Variants in ASMTL observed in about 807,000 individuals in gnomAD.
The protein encoded by ASMTL is acetylserotonin O-methyltransferase like, also known as probable bifunctional dTTP/UTP pyrophosphatase/methyltransferase protein.
ASMTL carries 57 observed loss-of-function variants against 60.3 expected under a neutral mutation model. That is an observed-to-expected ratio of 0.95 (90% confidence interval 0.76 to 1.18). ASMTL has a LOEUF of 1.18. Among genes scored for constraint, ASMTL ranks in the 50% most tolerant of loss-of-function variants. The pLI, the probability that ASMTL is intolerant of heterozygous loss-of-function variation, is 0.00. For synonymous variants in ASMTL, 419 were observed against 373.0 expected (o/e 1.12, Z -1.42); for missense variants, 981 against 852.6 (o/e 1.15, Z -1.88).
intron 12 of ASMTL, 148 bp from the exon 13 acceptor site, chrX:1,403,637 G>A: frequency 1.5e-6 from 1 of 664,146 alleles, no homozygotes; most frequent in South Asian, 1.7e-5. Flanking sequence ...ACAGGTAGGG[G>A]AGGGGAGAGA....
At position 1,427,716 on chromosome X, in the gene ASMTL, G is replaced by A. The variant is rs769243026; in HGVS notation, c.897+18C>T. On this transcript the variant is annotated intron_variant, in intron 7 of 12. Coordinates refer to ENST00000381317, the MANE Select transcript of ASMTL (RefSeq NM_004192.4). The stretch of plus-strand genomic sequence containing the variant: ...GGCTCATTTGTGAAATGTGGCCTGA[G>A]GAGACAGACACAGGTACCTTGGATA... 1.9e-6 allele frequency: 3 copies of A among 1,588,656 alleles called. No individual in the cohort carries two copies. In the Admixed American group the frequency reaches 5.1e-5, roughly 27 times the overall value.
At chrX:1,439,222 T>G in intron 2 of ASMTL, 78 bp from the exon 3 acceptor site, 2 of 1,499,830 alleles carry the variant, frequency 1.3e-6, no homozygotes, top group South Asian at 1.1e-5. Context: ...GGTACGGGCG[T>G]GAAAGAGCAC....
intron 5 of ASMTL, among the ~76,000 whole-genome samples, chrX:1,433,787 C>T (rs1191825829): frequency 4.6e-5 from 7 of 152,136 alleles, no homozygotes; most frequent in Admixed American, 2.0e-4. Flanking sequence ...ATGGAGGCTC[C>T]ATACATCCTG....
chrX:1,435,131 G>A lies in ASMTL; in HGVS notation c.339-48C>T, dbSNP rs45447192. On this transcript the variant is annotated intron_variant, in intron 4 of 12. Transcript: ENST00000381317. Reference sequence around the variant, plus strand: ...CACGTGACCATGCTGTGACCCGTGGGAGCTACAAAGCGAGTTTCTCAAAAC... The same window carrying A: ...CACGTGACCATGCTGTGACCCGTGGAAGCTACAAAGCGAGTTTCTCAAAAC... The A allele has an allele frequency of 6.5e-3, 10,442 of 1,597,990 alleles. 42 individuals are homozygous for A. The highest frequency in any genetic ancestry group is 8.1e-3 in the Non-Finnish European group (9,456 of 1,165,224).
At chrX:1,410,729 A>G (rs1175974024) in intron 12 of ASMTL, among the ~76,000 whole-genome samples, 2 of 116,068 alleles carry the variant, frequency 1.7e-5, no homozygotes, top group African/African-American at 6.4e-5. Context: ...AAACTTCTTA[A>G]AAAATTAGCT....
chrX:1,405,154 CATGGATGAG>C (rs2089762971), intron 12 of ASMTL, among the ~76,000 whole-genome samples: 1 of 118,554 alleles, frequency 8.4e-6, no homozygotes, highest in Admixed American at 9.1e-5. Flanking sequence ...TAGATGGGTG[CATGGATGAG>C]ATGGATGGTT....
chrX:1,408,039 A>C (rs1462413608), intron 12 of ASMTL, among the ~76,000 whole-genome samples: 3 of 149,468 alleles, frequency 2.0e-5, no homozygotes, highest in African/African-American at 7.5e-5. Context: ...ATCTCTACAA[A>C]ATTTAAAAAA....
intron 12 of ASMTL, among the ~76,000 whole-genome samples, chrX:1,406,211 G>A (rs1305017884): frequency 6.7e-6 from 1 of 148,664 alleles, no homozygotes; most frequent in East Asian, 2.0e-4. Context: ...GGATGAGATG[G>A]ATGGATGGGT....
intron 12 of ASMTL, among the ~76,000 whole-genome samples, chrX:1,410,809 G>C (rs1254512596): frequency 6.6e-6 from 1 of 151,978 alleles, no homozygotes; most frequent in East Asian, 1.9e-4. Flanking sequence ...AGGACAGCTT[G>C]AGCCTAGGAG....
chrX:1,450,840 A>C, intron 1 of ASMTL, among the ~76,000 whole-genome samples: 6 of 95,700 alleles, frequency 6.3e-5, no homozygotes, highest in Non-Finnish European at 8.3e-5. Context: ...GTACTGGATC[A>C]CTCTCCCCTC....
At chrX:1,418,941 T>C (rs1306116395) in intron 10 of ASMTL, 41 bp downstream of exon 10, 1 of 1,610,896 alleles carries the variant, frequency 6.2e-7, no homozygotes, top group East Asian at 2.2e-5. Flanking sequence ...TGTGGCTTAA[T>C]AAACGAAAGT....
At chrX:1,430,855 T>A (rs1257850643) in intron 6 of ASMTL, among the ~76,000 whole-genome samples, 5 of 144,900 alleles carry the variant, frequency 3.5e-5, no homozygotes, top group African/African-American at 1.3e-4. Context: ...TATATTTATA[T>A]ATTTATATAC....
chrX:1,416,067 A>T (rs1172861642), intron 11 of ASMTL, among the ~76,000 whole-genome samples: 40 of 151,780 alleles, frequency 2.6e-4, no homozygotes, highest in Non-Finnish European at 5.9e-4. Flanking sequence ...AGAGACAGAC[A>T]TGCACAGATG....
At chrX:1,417,304 C>G (rs867832165) in intron 11 of ASMTL, among the ~76,000 whole-genome samples, 3 of 151,200 alleles carry the variant, frequency 2.0e-5, no homozygotes, top group Non-Finnish European at 4.4e-5. Context: ...GACGGGCACA[C>G]AGACGCACAT....
At chrX:1,447,345 CTTGGACACACAACAT>C (rs1323263402) in intron 1 of ASMTL, among the ~76,000 whole-genome samples, 159 of 152,204 alleles carry the variant, frequency 1.0e-3, no homozygotes, top group African/African-American at 3.6e-3. Context: ...GCACCACCAT[CTTGGACACACAACAT>C]CTTGGACACA....
At chrX:1,438,149 C>T (rs1238368989) in intron 3 of ASMTL, among the ~76,000 whole-genome samples, 8 of 151,664 alleles carry the variant, frequency 5.3e-5, no homozygotes, top group African/African-American at 1.2e-4. Flanking sequence ...ATCAGCCGGG[C>T]GTGGTGGCGG....
At chrX:1,435,208 T>C (rs1156420966) in intron 4 of ASMTL, 125 bp from the exon 5 acceptor site, 1 of 980,484 alleles carries the variant, frequency 1.0e-6, no homozygotes, top group Non-Finnish European at 1.6e-6. Context: ...CAGCATCTTC[T>C]CCCCGATCGT....
chrX:1,436,274 A>C (rs2090961363), intron 3 of ASMTL, among the ~76,000 whole-genome samples: 2 of 151,394 alleles, frequency 1.3e-5, no homozygotes, highest in African/African-American at 2.4e-5. Context: ...CCGGGGTTCA[A>C]GTGATTCTCC....
At chrX:1,449,759 T>C (rs1288846232) in intron 1 of ASMTL, among the ~76,000 whole-genome samples, 4 of 126,686 alleles carry the variant, frequency 3.2e-5, no homozygotes, top group African/African-American at 1.0e-4. Context: ...CCAGTAACTA[T>C]GCCCCATCAT....
Sources: gnomAD v4.1 joint callset for allele counts (sites outside exome capture counted in the v4.1 genomes callset) on GRCh38, gnomAD v4.1.1 for gene constraint, MANE v1.5 for transcripts, NCBI Gene and HGNC (gene_info 2026-07-23, HGNC 2026-07-21) for gene names.